Variants in PLD5 observed in about 807,000 individuals in gnomAD.
PLD5 encodes the protein phospholipase D family member 5.
A neutral mutation model predicts 61.1 loss-of-function variants in PLD5; 36 were observed. That is an observed-to-expected ratio of 0.59 (90% confidence interval 0.45 to 0.78). The LOEUF (loss-of-function observed/expected upper bound fraction) is 0.78, where lower values mean the gene tolerates loss of function less well. Among genes scored for constraint, PLD5 ranks in the 30% least tolerant of loss-of-function variants. The pLI is 0.00. For synonymous variants in PLD5, 243 were observed against 242.8 expected (o/e 1.00, Z -0.01); for missense variants, 515 against 644.4 (o/e 0.80, Z 2.17).
At chr1:242,126,885 G>C (rs1209614572) in intron 5 of PLD5, among the ~76,000 whole-genome samples, 1 of 152,138 alleles carries the variant, frequency 6.6e-6, no homozygotes, top group African/African-American at 2.4e-5. Flanking sequence ...CTCACAGAGT[G>C]GGGGAAAATC....
intron 3 of PLD5, among the ~76,000 whole-genome samples, chr1:242,279,626 C>T (rs1420404902): frequency 3.9e-5 from 6 of 152,026 alleles, no homozygotes; most frequent in Non-Finnish European, 5.9e-5. Context: ...CTCTGCCTCC[C>T]GGGTTCAAGC....
rs185472918 is a variant in PLD5 at position 242,498,235 on chromosome 1, T to C, written c.189+25853A>G. Among the ~76,000 whole-genome samples, 4 of 152,340 alleles carry C rather than the reference T, an allele frequency of 2.6e-5. No individual in the cohort carries two copies. In the East Asian group the frequency reaches 7.7e-4, roughly 29 times the overall value. On this transcript the variant is annotated intron_variant, in intron 1 of 9. Transcript: ENST00000536534. The stretch of plus-strand genomic sequence containing the variant: ...ACCTTGGCCTCCCGAAGTGCTGGGA[T>C]TACAGGCGTGAGCCACCGCACCTGG...
At chr1:242,139,198 C>T (rs919027342) in intron 5 of PLD5, among the ~76,000 whole-genome samples, 16 of 152,062 alleles carry the variant, frequency 1.1e-4, no homozygotes, top group African/African-American at 3.9e-4. Context: ...TTTCACAAAG[C>T]AGATTTTTCT....
intron 5 of PLD5, among the ~76,000 whole-genome samples, chr1:242,218,701 A>G (rs1168352895): frequency 2.0e-5 from 3 of 152,216 alleles, no homozygotes; most frequent in Admixed American, 2.0e-4. Context: ...TCCTAAATGT[A>G]TTTATTTTAA....
At chr1:242,501,468 A>G (rs985264033) in intron 1 of PLD5, among the ~76,000 whole-genome samples, 44 of 152,166 alleles carry the variant, frequency 2.9e-4, no homozygotes, top group African/African-American at 1.1e-3. Flanking sequence ...CTCCTTCCTT[A>G]GCTTTGCCAG....
chr1:242,099,188 C>A (rs1660488238), intron 9 of PLD5, among the ~76,000 whole-genome samples: 1 of 152,080 alleles, frequency 6.6e-6, no homozygotes, highest in African/African-American at 2.4e-5. Context: ...GTGGCATGAT[C>A]TCGGCTCACT....
At chr1:242,400,197 AAAAG>A (rs1475858224) in intron 1 of PLD5, among the ~76,000 whole-genome samples, 2 of 152,102 alleles carry the variant, frequency 1.3e-5, no homozygotes, top group Admixed American at 1.3e-4. Context: ...AGAAAAAAAA[AAAAG>A]AATCTAACTG....
At chr1:242,297,394 C>A (rs1183135082) in intron 2 of PLD5, among the ~76,000 whole-genome samples, 1 of 115,594 alleles carries the variant, frequency 8.7e-6, no homozygotes, top group Admixed American at 1.2e-4. Flanking sequence ...TTCCTATCAC[C>A]CTTCAAGACT....
chr1:242,297,657 G>A, intron 2 of PLD5, among the ~76,000 whole-genome samples: 1 of 128,756 alleles, frequency 7.8e-6, no homozygotes, highest in East Asian at 2.3e-4. Flanking sequence ...TTTTGAGATG[G>A]AGTCTCGCTC....
chr1:242,512,259 A>G (rs1378941481), intron 1 of PLD5, among the ~76,000 whole-genome samples: 1 of 151,690 alleles, frequency 6.6e-6, no homozygotes, highest in Non-Finnish European at 1.5e-5. Context: ...AAAATACAAA[A>G]AAAAAAAAAA....
intron 1 of PLD5, among the ~76,000 whole-genome samples, chr1:242,423,764 C>T (rs990060107): frequency 5.3e-5 from 8 of 152,126 alleles, no homozygotes; most frequent in African/African-American, 9.7e-5. Context: ...CTAGGCTCCA[C>T]GAGAAGGTCA....
In PLD5 at chr1:242,247,702, G is replaced by T. The variant is rs543267041; in HGVS notation, c.607+17635C>A. Among the ~76,000 whole-genome samples, 3 of 152,294 alleles carry T rather than the reference G, an allele frequency of 2.0e-5. No homozygotes were observed. In the East Asian group the frequency reaches 5.8e-4, roughly 29 times the overall value. On this transcript the variant is annotated intron_variant, in intron 4 of 9. Coordinates refer to ENST00000536534, the MANE Select transcript of PLD5 (RefSeq NM_001372062.1). ...TTGGGGGTCCCCTTGGCTAAGAGGG[G>T]CTCCGTTCAGCAGGCTGGGGGGCTT...
intron 1 of PLD5, among the ~76,000 whole-genome samples, chr1:242,471,372 G>A (rs1379727477): frequency 6.6e-6 from 1 of 152,106 alleles, no homozygotes; most frequent in Non-Finnish European, 1.5e-5. Flanking sequence ...TACTCCTGAG[G>A]AGCCAATCCC....
chr1:242,183,834 G>T (rs1008750648), intron 5 of PLD5, among the ~76,000 whole-genome samples: 2 of 152,166 alleles, frequency 1.3e-5, no homozygotes, highest in Admixed American at 6.5e-5. Flanking sequence ...GGCGGAGCTC[G>T]CAGTGAGCAG....
intron 5 of PLD5, among the ~76,000 whole-genome samples, chr1:242,137,835 T>C (rs1045765632): frequency 6.6e-6 from 1 of 151,976 alleles, no homozygotes; most frequent in South Asian, 2.1e-4. Context: ...TGCCACTGAA[T>C]GTGGGGGAAA....
intron 5 of PLD5, among the ~76,000 whole-genome samples, chr1:242,165,450 G>T (rs200783297): frequency 7.3e-5 from 5 of 68,794 alleles, no homozygotes; most frequent in African/African-American, 2.8e-4. Context: ...TGGCTTTAAA[G>T]GGAAAAAAAA....
At chr1:242,232,309 T>C (rs1209880576) in intron 4 of PLD5, among the ~76,000 whole-genome samples, 1 of 152,072 alleles carries the variant, frequency 6.6e-6, no homozygotes, top group East Asian at 1.9e-4. Context: ...AACTGGAAAA[T>C]AGTCTGAAGA....
intron 1 of PLD5, among the ~76,000 whole-genome samples, chr1:242,378,872 A>G (rs1025077778): frequency 6.6e-6 from 1 of 152,132 alleles, no homozygotes; most frequent in Non-Finnish European, 1.5e-5. Context: ...ATACGTTAAA[A>G]AAAAGAGAGA....
Position 242,460,694 on chromosome 1 carries a change from A to T in PLD5, c.189+63394T>A, listed in dbSNP as rs77017601. On this transcript the variant is annotated intron_variant, in intron 1 of 9. Transcript: ENST00000536534. Reference sequence around the variant, plus strand: ...AATGGGGCTGTGAAAAGGTCTAGTTACACATAAGAATGAGCACACTTCTGA... The same window carrying T: ...AATGGGGCTGTGAAAAGGTCTAGTTTCACATAAGAATGAGCACACTTCTGA... 9.7e-3 allele frequency among the ~76,000 whole-genome samples: 1,482 copies of T among 152,296 alleles called. 30 individuals are homozygous for T. Among genetic ancestry groups the T allele is most frequent in the African/African-American group, 0.034 (1,412 of 41,556 alleles).
Sources: gnomAD v4.1 joint callset for allele counts (sites outside exome capture counted in the v4.1 genomes callset) on GRCh38, gnomAD v4.1.1 for gene constraint, MANE v1.5 for transcripts, NCBI Gene and HGNC (gene_info 2026-07-23, HGNC 2026-07-21) for gene names.